Variants in TPGS2 observed in about 807,000 individuals in gnomAD.
The protein encoded by TPGS2 is polyglutamylase subunit 2.
Under a neutral mutation model 31.1 loss-of-function variants are expected in TPGS2, and 26 were observed. That is an observed-to-expected ratio of 0.84 (90% CI 0.61 to 1.16). The LOEUF (loss-of-function observed/expected upper bound fraction) is 1.16. Ranked by LOEUF, TPGS2 falls within the 50% of genes most tolerant of loss-of-function variation. TPGS2 has a pLI of 0.00. For missense variants in TPGS2, 351 were observed against 363.8 expected (o/e 0.96, Z 0.29); for synonymous variants, 130 against 136.6 (o/e 0.95, Z 0.34).
rs1352579272 is a variant in TPGS2 at position 36,796,775 on chromosome 18, G to A, written c.*30C>T. The A allele has an allele frequency of 1.9e-6, 3 of 1,548,370 alleles. No homozygotes were observed. The highest frequency in any genetic ancestry group is 1.2e-5 in the South Asian group (1 of 83,568). On this transcript the variant is annotated 3_prime_UTR_variant, in exon 7 of 7. Coordinates refer to ENST00000334295, the MANE Select transcript of TPGS2 (RefSeq NM_015476.4). Reference sequence around the variant, plus strand: ...TCTGTGCATGGAAACCACCACTCTGGAGCTGGTAGGGAGTTGGAGGGAGGG... The same window carrying A: ...TCTGTGCATGGAAACCACCACTCTGAAGCTGGTAGGGAGTTGGAGGGAGGG...
downstream of TPGS2, among the ~76,000 whole-genome samples, chr18:36,793,599 T>C (rs2044389514): frequency 6.6e-6 from 1 of 152,140 alleles, no homozygotes; most frequent in Non-Finnish European, 1.5e-5. Flanking sequence ...ACAGTAACAG[T>C]TGAGTTAGTT....
intron 6 of TPGS2, among the ~76,000 whole-genome samples, chr18:36,783,742 G>A (rs1033427048): frequency 2.0e-5 from 3 of 152,178 alleles, no homozygotes; most frequent in Non-Finnish European, 4.4e-5. Flanking sequence ...CTAAGATGGT[G>A]TATCACCAAA....
rs768937645 is a variant in TPGS2, at chr18:36,826,339, C to T, written c.85+2344G>A. ...TGTGCCAGCTACATTTTATTCTTTT[C>T]AATACTATTGTAAATTGAATTGTTC... On this transcript the variant is annotated intron_variant, in intron 1 of 6. Transcript: ENST00000334295. Among the ~76,000 whole-genome samples the T allele has an allele frequency of 8.2e-4, 125 of 151,742 alleles. No homozygotes were observed. In the Middle Eastern group the frequency reaches 0.01, roughly 12 times the overall value.
At position 36,798,565 on chromosome 18, in the gene TPGS2, A is replaced by G. The variant is rs754685660; in HGVS notation, c.541T>C (p.Tyr181His). 1.9e-6 allele frequency: 3 copies of G among 1,614,114 alleles called. No homozygotes were observed. In the East Asian group the frequency reaches 6.7e-5, roughly 36 times the overall value. Reference protein sequence around the residue: ...TEIWFLDRALYWHFLTDTFTA... With the variant: ...TEIWFLDRALHWHFLTDTFTA... ...AAGGTGTCTGTGAGAAAATGCCAGT[A>G]TAACGCTCTGTCCAGGAACCAGATC... The change falls in exon 6 of 7, where the codon TAC becomes CAC. Residue 181 changes from tyrosine to histidine, a missense_variant. Transcript: ENST00000334295.
Position 36,795,950 on chromosome 18 carries a change from A to C in TPGS2, c.*855T>G. 2 of 985,454 alleles carry C rather than the reference A, an allele frequency of 2.0e-6. No homozygotes were observed. The highest frequency in any genetic ancestry group is 9.4e-5 in the South Asian group (2 of 21,284). 61.0% of individuals were successfully genotyped at this position (985,454 alleles called of 1,614,324 possible). A position where few individuals can be genotyped will look rare whatever the true frequency, so the allele number is the denominator to read the frequency against. On this transcript the variant is annotated 3_prime_UTR_variant, in exon 7 of 7. Coordinates refer to ENST00000334295, the MANE Select transcript of TPGS2 (RefSeq NM_015476.4). Reference sequence around the variant, plus strand: ...AATGTTTGGGAATTTTTTGTTTTTAAATGGTAAGAATAAAGTATAGCAGAA... The same window carrying C: ...AATGTTTGGGAATTTTTTGTTTTTACATGGTAAGAATAAAGTATAGCAGAA...
intron 2 of TPGS2, among the ~76,000 whole-genome samples, chr18:36,814,076 G>A (rs976375181): frequency 7.9e-5 from 12 of 152,244 alleles, no homozygotes; most frequent in African/African-American, 2.9e-4. Context: ...TGTGGGCCAT[G>A]GTTTCACCAT....
intron 6 of TPGS2, among the ~76,000 whole-genome samples, chr18:36,797,261 T>A (rs1336686201): frequency 2.0e-5 from 3 of 152,088 alleles, no homozygotes; most frequent in African/African-American, 7.2e-5. Context: ...CTTTATGAGG[T>A]CTCAGGACCT....
rs1002274995 is a variant in TPGS2, at chr18:36,795,631, T to C, written c.*1174A>G. 8.1e-6 allele frequency: 8 copies of C among 985,334 alleles called. No homozygotes were observed. The African/African-American group carries it at 1.4e-4, about 17-fold the overall frequency. The allele number at this position is 985,334 out of a possible 1,614,324, so 61.0% of individuals were successfully genotyped here. ...TCTGTAAAAATTTCATTAAATGTAG[T>C]AGGTATGTCAGATTTATCTTGTGTC... is the stretch of plus-strand genomic sequence containing the variant. On this transcript the variant is annotated 3_prime_UTR_variant, in exon 7 of 7. Transcript: ENST00000334295.
chr18:36,791,941 T>C (rs2044324063), downstream of TPGS2, among the ~76,000 whole-genome samples: 1 of 151,524 alleles, frequency 6.6e-6, no homozygotes. Flanking sequence ...GGTGGGAGTA[T>C]TGCTTGTGCC....
At chr18:36,780,109 C>T (rs1404707014), downstream of TPGS2, 8 of 1,230,650 alleles carry the variant, frequency 6.5e-6, no homozygotes, top group Non-Finnish European at 8.1e-6. Context: ...GTTCCACAGG[C>T]TCGCCTCTTC....
chr18:36,814,937 G>C (rs1261580054), intron 2 of TPGS2, among the ~76,000 whole-genome samples: 1 of 152,192 alleles, frequency 6.6e-6, no homozygotes, highest in Non-Finnish European at 1.5e-5. Context: ...AGTCTGCAGG[G>C]GATCTCTATT....
intron 3 of TPGS2, among the ~76,000 whole-genome samples, chr18:36,806,850 TAAAAAAAAAA>T (rs397962723): frequency 4.6e-4 from 17 of 37,328 alleles, no homozygotes; most frequent in Admixed American, 1.7e-3. Flanking sequence ...GACTCCATCT[TAAAAAAAAAA>T]AAAAAAAAAA....
chr18:36,813,819 T>A (rs1054156349), intron 2 of TPGS2, among the ~76,000 whole-genome samples: 1 of 152,152 alleles, frequency 6.6e-6, no homozygotes, highest in African/African-American at 2.4e-5. Flanking sequence ...AGAAGTGAAG[T>A]GCTAGAGAGA....
chr18:36,788,599 T>C (rs988848609), intron 6 of TPGS2: 4 of 152,228 alleles, frequency 2.6e-5, no homozygotes, highest in Non-Finnish European at 4.4e-5. Flanking sequence ...TTTATGCCCC[T>C]GCCCTAGGGA....
At chr18:36,814,446 C>T (rs1245270995) in intron 2 of TPGS2, among the ~76,000 whole-genome samples, 1 of 152,212 alleles carries the variant, frequency 6.6e-6, no homozygotes, top group East Asian at 1.9e-4. Flanking sequence ...CCTCAGGGGA[C>T]TGAAGCAGGT....
chr18:36,819,006 A>G (rs773258259), intron 1 of TPGS2, 33 bp from the exon 2 acceptor site: 8 of 1,572,286 alleles, frequency 5.1e-6, no homozygotes, highest in African/African-American at 1.3e-5. Flanking sequence ...TAGAGTTGCA[A>G]TTGGTCCGCT....
In TPGS2 at chr18:36,828,814, G is replaced by C. The variant is rs762354166; in HGVS notation, c.-47C>G. The C allele has an allele frequency of 1.2e-5, 19 of 1,600,226 alleles. No homozygotes were observed. In the African/African-American group the frequency reaches 1.5e-4, roughly 12 times the overall value. ...CGCGGCGGGAGCGGGTGGAGGGCCG[G>C]ACCCCGCCTCAGCGCCGAGGCCAAT... On this transcript the variant is annotated 5_prime_UTR_variant, in exon 1 of 7. Transcript: ENST00000334295.
At chr18:36,828,536 C>A in intron 1 of TPGS2, 147 bp downstream of exon 1, 2 of 848,968 alleles carry the variant, frequency 2.4e-6, no homozygotes, top group Non-Finnish European at 3.7e-6. Context: ...CCAGGTCCCC[C>A]ACTTTCCTCT....
chr18:36,797,113 T>C (rs2044567388), intron 6 of TPGS2, 63 bp from the exon 7 acceptor site: 15 of 1,581,010 alleles, frequency 9.5e-6, no homozygotes, highest in Non-Finnish European at 1.3e-5. Flanking sequence ...CTGTGTGCTC[T>C]TTTTGTGGGA....
Sources: gnomAD v4.1 joint callset for allele counts (sites outside exome capture counted in the v4.1 genomes callset) on GRCh38, gnomAD v4.1.1 for gene constraint, MANE v1.5 for transcripts, NCBI Gene and HGNC (gene_info 2026-07-23, HGNC 2026-07-21) for gene names.